Variants in CDH17 observed in about 807,000 individuals in gnomAD.
CDH17 encodes the protein cadherin 17.
In CDH17, 67 loss-of-function variants were observed where a neutral mutation model predicts 86.3. The ratio of observed to expected loss-of-function variants is 0.78; its 90% CI spans 0.64 to 0.95. The LOEUF (loss-of-function observed/expected upper bound fraction) is 0.95. CDH17 is among the 40% of genes least tolerant of loss of function. The probability of loss-of-function intolerance (pLI) is 0.00; values close to 1 mark genes in which losing one functional copy is unlikely to be tolerated. For missense variants in CDH17, 993 were observed against 1,017.6 expected (o/e 0.98, Z 0.33); for synonymous variants, 367 against 366.4 (o/e 1.00, Z -0.02).
At chr8:94,212,815 G>A (rs1011850464), upstream of CDH17, among the ~76,000 whole-genome samples, 4 of 152,188 alleles carry the variant, frequency 2.6e-5, no homozygotes, top group Non-Finnish European at 5.9e-5. Flanking sequence ...CCCAGCAGGC[G>A]GGGCCCTCAA....
At chr8:94,130,827 G>T in intron 16 of CDH17, 49 bp downstream of exon 16, 1 of 1,488,808 alleles carries the variant, frequency 6.7e-7, no homozygotes, top group Non-Finnish European at 9.4e-7. Context: ...TCCTCAAACG[G>T]CCCATGGTGA....
chr8:94,164,700 C>T (rs114468424), intron 10 of CDH17, among the ~76,000 whole-genome samples: 2,102 of 152,204 alleles, frequency 0.014, 19 homozygotes, highest in Middle Eastern at 0.071. Context: ...CTGTGTCATC[C>T]GTGCCTGCCA....
At chr8:94,198,128 ATATACAAATATCATG>A (rs1813823491) in intron 1 of CDH17, among the ~76,000 whole-genome samples, 1 of 152,172 alleles carries the variant, frequency 6.6e-6, no homozygotes, top group Non-Finnish European at 1.5e-5. Flanking sequence ...AGCTGTAGAG[ATATACAAATATCATG>A]TATGTATGTA....
intron 12 of CDH17, among the ~76,000 whole-genome samples, chr8:94,159,641 A>G (rs1486253338): frequency 6.6e-6 from 1 of 152,200 alleles, no homozygotes; most frequent in African/African-American, 2.4e-5. Flanking sequence ...TAAATGACAA[A>G]CAAGTTTTTA....
At chr8:94,199,038 GATATATATATATATAT>G (rs869128612) in intron 1 of CDH17, among the ~76,000 whole-genome samples, 42 of 73,386 alleles carry the variant, frequency 5.7e-4, no homozygotes, top group South Asian at 9.8e-4. Flanking sequence ...AGTTCTGATT[GATATATATATATATAT>G]ATATATATAT....
chr8:94,134,520 T>A (rs1486711039), intron 15 of CDH17, among the ~76,000 whole-genome samples: 1 of 152,202 alleles, frequency 6.6e-6, no homozygotes, highest in Non-Finnish European at 1.5e-5. Flanking sequence ...ATCATTTTTT[T>A]ATTGCGTCTA....
At chr8:94,140,395 A>G (rs1028504707) in intron 15 of CDH17, among the ~76,000 whole-genome samples, 1 of 152,182 alleles carries the variant, frequency 6.6e-6, no homozygotes, top group Non-Finnish European at 1.5e-5. Context: ...ACACCACTGC[A>G]CTGCAGCCTG....
At chr8:94,191,580 T>G (rs887340464) in intron 2 of CDH17, among the ~76,000 whole-genome samples, 12 of 148,316 alleles carry the variant, frequency 8.1e-5, no homozygotes, top group African/African-American at 2.2e-4. Flanking sequence ...GCCTCCTGAA[T>G]AGCTGGCATT....
At chr8:94,204,412 C>T (rs1813984263) in intron 1 of CDH17, among the ~76,000 whole-genome samples, 2 of 152,234 alleles carry the variant, frequency 1.3e-5, no homozygotes, top group Non-Finnish European at 1.5e-5. Context: ...TTTTCTGTTC[C>T]TGTGTTAGTT....
rs1404746005 is a variant in CDH17, at chr8:94,162,152, G to A, written c.1293C>T (p.Thr431=). Residue 431 remains threonine (T), a synonymous_variant, in exon 11 of 18, where the codon ACC becomes ACT. Coordinates refer to ENST00000027335, the MANE Select transcript of CDH17 (RefSeq NM_004063.4). Reference sequence around the variant, plus strand: ...TAACGTTGATTTGCACAAAACAAAGGGTCTTGAAATCTGAAAACCAAAGTC... The same window carrying A: ...TAACGTTGATTTGCACAAAACAAAGAGTCTTGAAATCTGAAAACCAAAGTC... ...TIEVSDKDFK[T]LCFVQINVID... 6.2e-7 allele frequency: 1 copy of A among 1,605,498 alleles called. No homozygotes were observed. The highest frequency in any genetic ancestry group is 8.5e-7 in the Non-Finnish European group (1 of 1,172,774).
intron 15 of CDH17, among the ~76,000 whole-genome samples, chr8:94,131,721 C>T (rs1812423986): frequency 6.6e-6 from 1 of 151,912 alleles, no homozygotes; most frequent in African/African-American, 2.4e-5. Context: ...TACCCTAGAA[C>T]TTAATGTGCA....
intron 4 of CDH17, 110 bp downstream of exon 4, chr8:94,177,477 G>A: frequency 8.7e-7 from 1 of 1,144,944 alleles, no homozygotes; most frequent in Non-Finnish European, 1.3e-6. Flanking sequence ...TTAATGTAAG[G>A]AAAGCTGTAA....
At chr8:94,208,328 T>C (rs1488811499) in intron 1 of CDH17, among the ~76,000 whole-genome samples, 155 bp downstream of exon 1, 1 of 152,180 alleles carries the variant, frequency 6.6e-6, no homozygotes. Flanking sequence ...GCAAAACTTG[T>C]CATGCCAGCA....
rs755915667 is a variant in CDH17 at position 94,148,784 on chromosome 8, G to A, written c.1887C>T (p.Ala629=). ...CCACTTGTACCCGATATGGACTTCC[G>A]GCTTCTCTGTCCAATGGAGCCACAC... ...IFSVAPLDRE[A]GSPYRVQVVA... The change falls in exon 14 of 18, where the codon GCC becomes GCT. Residue 629 remains alanine, a synonymous_variant. Coordinates refer to ENST00000027335, the MANE Select transcript of CDH17 (RefSeq NM_004063.4). The A allele has an allele frequency of 1.3e-4, 200 of 1,583,824 alleles. No homozygotes were observed. The highest frequency in any genetic ancestry group is 1.6e-4 in the Non-Finnish European group (184 of 1,167,766).
At position 94,151,720 on chromosome 8, in the gene CDH17, T is replaced by C. The variant is rs541729210; in HGVS notation, c.1796+148A>G. ...CATCCCTTGGAATGCCCCCAGGGTG[T>C]TGACAGCTTCCTAAACCAAAGCCAA... On this transcript the variant is annotated intron_variant, in intron 13 of 17. Coordinates refer to ENST00000027335, the MANE Select transcript of CDH17 (RefSeq NM_004063.4). 173 of 942,976 alleles carry C rather than the reference T, an allele frequency of 1.8e-4. 2 individuals carry two copies. In the East Asian group the frequency reaches 4.1e-3, roughly 22 times the overall value. 58.4% of individuals were successfully genotyped at this position (942,976 alleles called of 1,614,324 possible).
rs1813324887 is a variant in CDH17 at position 94,174,137 on chromosome 8, T to C, written c.548A>G (p.Asn183Ser). 2 of 1,613,856 alleles carry C rather than the reference T, an allele frequency of 1.2e-6. No individual in the cohort carries two copies. The highest frequency in any genetic ancestry group is 1.7e-6 in the Non-Finnish European group (2 of 1,179,850). Residue 183 changes from asparagine to serine, a missense_variant, in exon 6 of 18, where the codon AAC (asparagine) becomes AGC (serine). By Grantham distance (46) the Asn-to-Ser change is conservative. Coordinates refer to ENST00000027335, the MANE Select transcript of CDH17 (RefSeq NM_004063.4). ...AAGAGAGATGGCTCCCGTTTTGTTG[T>C]TGATCTGAAAGTACATGACATTGTT... ...MINNVMYFQI[N>S]NKTGAISLTR...
rs116657978 is a variant in CDH17, at chr8:94,153,816, A to G, written c.1552-1704T>C. On this transcript the variant is annotated intron_variant, in intron 12 of 17. Coordinates refer to ENST00000027335, the MANE Select transcript of CDH17 (RefSeq NM_004063.4). ...CCAGGCATGAAAAGACAAATACCAC[A>G]TGTTCTCACTTGTATGTGGAATCTA... Among the ~76,000 whole-genome samples the G allele has an allele frequency of 4.6e-5, 7 of 152,128 alleles. No individual in the cohort carries two copies. In the East Asian group the frequency reaches 1.3e-3, roughly 29 times the overall value.
chr8:94,161,993 T>C, intron 11 of CDH17, 93 bp downstream of exon 11: 1 of 811,588 alleles, frequency 1.2e-6, no homozygotes, highest in Non-Finnish European at 2.1e-6. Context: ...AGTCTGGCAC[T>C]TTTCCTAGCT....
chr8:94,183,128 C>T (rs1348234076), intron 3 of CDH17, among the ~76,000 whole-genome samples: 1 of 152,034 alleles, frequency 6.6e-6, no homozygotes, highest in Non-Finnish European at 1.5e-5. Flanking sequence ...AATGGAAAGA[C>T]ACCTAGTGTT....
Sources: gnomAD v4.1 joint callset for allele counts (sites outside exome capture counted in the v4.1 genomes callset) on GRCh38, gnomAD v4.1.1 for gene constraint, MANE v1.5 for transcripts, NCBI Gene and HGNC (gene_info 2026-07-23, HGNC 2026-07-21) for gene names.